C10orf53: variants seen among roughly 807,000 people sequenced by gnomAD.
The protein encoded by C10orf53 is UPF0728 protein C10orf53.
In C10orf53, 8 loss-of-function variants were observed where a neutral mutation model predicts 9.4. The ratio of observed to expected loss-of-function variants is 0.85; its 90% confidence interval spans 0.50 to 1.53. The LOEUF is 1.53. C10orf53 is among the 40% of genes most tolerant of loss of function. The pLI, the probability that C10orf53 is intolerant of heterozygous loss-of-function variation, is 0.00. For synonymous variants in C10orf53, 48 were observed against 46.0 expected (o/e 1.04, Z -0.18); for missense variants, 117 against 117.8 (o/e 0.99, Z 0.03).
At chr10:49,699,894 T>TCC (rs56948641), downstream of C10orf53, among the ~76,000 whole-genome samples, 98 of 151,404 alleles carry the variant, frequency 6.5e-4, no homozygotes, top group Middle Eastern at 3.4e-3. Context: ...GCAGAGCTCA[T>TCC]CCCCCCCGAG....
At chr10:49,691,885 A>G (rs542828560) in intron 1 of C10orf53, among the ~76,000 whole-genome samples, 5 of 152,278 alleles carry the variant, frequency 3.3e-5, no homozygotes, top group Admixed American at 2.6e-4. Context: ...TTAACTGCCG[A>G]GTGGCAGCAC....
chr10:49,692,731 A>G (rs1404426387), intron 1 of C10orf53, among the ~76,000 whole-genome samples: 4 of 152,228 alleles, frequency 2.6e-5, no homozygotes, highest in Non-Finnish European at 5.9e-5. Flanking sequence ...AGGCTGTCCA[A>G]TGTACATCAT....
chr10:49,690,652 T>C (rs1840574233), intron 1 of C10orf53, among the ~76,000 whole-genome samples: 1 of 152,192 alleles, frequency 6.6e-6, no homozygotes, highest in Non-Finnish European at 1.5e-5. Context: ...CTAAGTAATT[T>C]CCCTGGCCAC....
intron 1 of C10orf53, among the ~76,000 whole-genome samples, chr10:49,682,170 A>G (rs1160051551): frequency 6.6e-6 from 1 of 152,158 alleles, no homozygotes; most frequent in East Asian, 1.9e-4. Flanking sequence ...TATCTTTACA[A>G]TGTTGTGGAA....
rs377321406 is a variant in C10orf53, at chr10:49,679,726, G to C, written c.29G>C (p.Arg10Pro). 27 of 1,548,382 alleles carry C rather than the reference G, an allele frequency of 1.7e-5. No homozygotes were observed. In the African/African-American group the frequency reaches 3.4e-4, roughly 20 times the overall value. Residue 10 changes from arginine to proline, a missense_variant, in exon 1 of 3, where the codon CGC (arginine) becomes CCC (proline). Physicochemically the swap from Arg to Pro is moderately radical, Grantham distance 103. Transcript: ENST00000374111. Reference sequence around the variant, plus strand: ...CCCAAGAACGCAGTGGTCATCCTGCGCTATGGGCCCTACAGCGCGGCAGGC... The same window carrying C: ...CCCAAGAACGCAGTGGTCATCCTGCCCTATGGGCCCTACAGCGCGGCAGGC... MPKNAVVIL[R>P]YGPYSAAGLP...
At chr10:49,692,952 A>G (rs1463119201) in intron 1 of C10orf53, among the ~76,000 whole-genome samples, 2 of 152,218 alleles carry the variant, frequency 1.3e-5, no homozygotes, top group African/African-American at 4.8e-5. Context: ...CTGAAAGAAT[A>G]AAGAGAAAAA....
exon 3 of C10orf53, chr10:49,708,784 C>A: frequency 2.2e-6 from 2 of 919,074 alleles, no homozygotes; most frequent in African/African-American, 1.7e-5. Context: ...GTGGCAAACC[C>A]AACGTGATTC....
exon 3 of C10orf53, chr10:49,709,424 CTGGTTTTG>C (rs1228627537): frequency 6.6e-6 from 1 of 152,202 alleles, no homozygotes; most frequent in Non-Finnish European, 1.5e-5. Flanking sequence ...CCTTCCAGGC[CTGGTTTTG>C]TGGTATGACA....
intron 1 of C10orf53, among the ~76,000 whole-genome samples, chr10:49,686,539 T>C (rs1288665822): frequency 6.6e-6 from 1 of 152,200 alleles, no homozygotes; most frequent in Non-Finnish European, 1.5e-5. Context: ...GAAATATCGC[T>C]GAATTCTTTT....
chr10:49,706,158 C>T (rs996469236), intron 2 of C10orf53, among the ~76,000 whole-genome samples: 2 of 152,180 alleles, frequency 1.3e-5, no homozygotes, highest in African/African-American at 4.8e-5. Flanking sequence ...GGTGAAATGT[C>T]AGATGGGCAG....
At chr10:49,681,623 A>G (rs1312709308) in intron 1 of C10orf53, among the ~76,000 whole-genome samples, 6 of 152,208 alleles carry the variant, frequency 3.9e-5, no homozygotes, top group African/African-American at 1.4e-4. Flanking sequence ...TTTTCAGTCT[A>G]AAGGCTAAAA....
chr10:49,706,844 A>C (rs966876867), intron 2 of C10orf53, among the ~76,000 whole-genome samples: 1 of 152,360 alleles, frequency 6.6e-6, no homozygotes, highest in Non-Finnish European at 1.5e-5. Context: ...GGTTTTGCAA[A>C]GATGTCCATA....
chr10:49,690,944 AG>A (rs1348350537), intron 1 of C10orf53, among the ~76,000 whole-genome samples: 3 of 152,176 alleles, frequency 2.0e-5, no homozygotes, highest in Admixed American at 6.5e-5. Flanking sequence ...ACCGGCAAGG[AG>A]GGAGCCTTTT....
exon 3 of C10orf53, chr10:49,708,711 C>G: frequency 1.3e-6 from 2 of 1,524,770 alleles, no homozygotes; most frequent in Non-Finnish European, 1.8e-6. Flanking sequence ...TGCTGAGTCC[C>G]CCAAAACAAA....
At chr10:49,681,097 A>G (rs1236133465) in intron 1 of C10orf53, among the ~76,000 whole-genome samples, 1 of 152,202 alleles carries the variant, frequency 6.6e-6, no homozygotes, top group East Asian at 1.9e-4. Flanking sequence ...TATTAAGCCC[A>G]CTTTCCACTT....
chr10:49,699,769 A>T (rs963736393), downstream of C10orf53, among the ~76,000 whole-genome samples: 2 of 152,210 alleles, frequency 1.3e-5, no homozygotes, highest in Non-Finnish European at 2.9e-5. Context: ...CCATTTGGTT[A>T]TGTAAATGAA....
At chr10:49,686,728 A>G (rs1840532734) in intron 1 of C10orf53, among the ~76,000 whole-genome samples, 1 of 152,186 alleles carries the variant, frequency 6.6e-6, no homozygotes, top group Non-Finnish European at 1.5e-5. Context: ...AGCCTGGTAA[A>G]TTCTAGTCAG....
intron 1 of C10orf53, among the ~76,000 whole-genome samples, chr10:49,693,175 A>T (rs1290046492): frequency 6.6e-6 from 1 of 152,232 alleles, no homozygotes; most frequent in African/African-American, 2.4e-5. Flanking sequence ...TCACATGGAC[A>T]TTCCACCGTT....
intron 1 of C10orf53, among the ~76,000 whole-genome samples, chr10:49,683,102 T>C (rs1351095134): frequency 6.6e-6 from 1 of 152,256 alleles, no homozygotes; most frequent in Non-Finnish European, 1.5e-5. Flanking sequence ...CATATGGTAA[T>C]TCTATATTTA....
Sources: allele counts gnomAD v4.1 joint callset (sites outside exome capture counted in the v4.1 genomes callset), GRCh38; gene constraint gnomAD v4.1.1; transcripts MANE v1.5; gene names NCBI Gene and HGNC (gene_info 2026-07-23, HGNC 2026-07-21).